CNTNAP2: variants seen among roughly 807,000 people sequenced by gnomAD.
CNTNAP2 encodes the protein contactin associated protein 2.
Under a neutral mutation model 155.2 loss-of-function variants are expected in CNTNAP2, and 98 were observed. That is an observed-to-expected ratio of 0.63 (90% CI 0.54 to 0.75). CNTNAP2 has a LOEUF of 0.75. CNTNAP2 is among the 30% of genes least tolerant of loss of function. The pLI, the probability that CNTNAP2 is intolerant of heterozygous loss-of-function variation, is 0.00. For missense variants in CNTNAP2, 1,727 were observed against 1,688.1 expected (o/e 1.02, Z -0.40); for synonymous variants, 651 against 631.2 (o/e 1.03, Z -0.47).
intron 1 of CNTNAP2, among the ~76,000 whole-genome samples, chr7:146,657,232 T>C (rs1800010905): frequency 6.6e-6 from 1 of 152,204 alleles, no homozygotes; most frequent in African/African-American, 2.4e-5. Context: ...ATTCTTCTCC[T>C]GAGCTTTCAT....
chr7:146,885,041 C>T (rs980161960), intron 3 of CNTNAP2, among the ~76,000 whole-genome samples: 1 of 151,892 alleles, frequency 6.6e-6, no homozygotes, highest in Non-Finnish European at 1.5e-5. Flanking sequence ...TCTCCCAGAC[C>T]CCCAAACTAA....
chr7:148,258,991 C>A (rs553751291), intron 20 of CNTNAP2, among the ~76,000 whole-genome samples: 2 of 151,802 alleles, frequency 1.3e-5, no homozygotes, highest in South Asian at 4.2e-4. Flanking sequence ...GCCTGGCCAA[C>A]ATGGTGAAAC....
chr7:146,604,821 G>A (rs71530747), intron 1 of CNTNAP2, among the ~76,000 whole-genome samples: 48,012 of 141,682 alleles, frequency 0.34, 10,642 homozygotes, highest in South Asian at 0.5. Context: ...AACTATCGCA[G>A]GGACAAAAAA....
At chr7:147,212,451 C>G (rs1803170132) in intron 8 of CNTNAP2, among the ~76,000 whole-genome samples, 1 of 152,106 alleles carries the variant, frequency 6.6e-6, no homozygotes, top group African/African-American at 2.4e-5. Context: ...ATGGATGCAG[C>G]TGAAGGCCTC....
chr7:147,138,245 T>G (rs1362234685), intron 8 of CNTNAP2, among the ~76,000 whole-genome samples: 1 of 151,886 alleles, frequency 6.6e-6, no homozygotes, highest in Non-Finnish European at 1.5e-5. Flanking sequence ...CTGTACTCAC[T>G]TTAATTAGGA....
chr7:148,192,508 C>T (rs537264428), intron 18 of CNTNAP2, among the ~76,000 whole-genome samples: 37 of 149,732 alleles, frequency 2.5e-4, no homozygotes, highest in Non-Finnish European at 4.1e-4. Context: ...CAACTGATAA[C>T]GAAAAGAAAG....
rs190705647 is a variant in CNTNAP2 at position 148,096,336 on chromosome 7, A to G, written c.2384-21782A>G. On this transcript the variant is annotated intron_variant, in intron 15 of 23. Transcript: ENST00000361727. ...GTGTGGTCACAGTGAAACATAGATT[A>G]AGGCTGAGAAGTAACAACCAGCTAA... 7.3e-4 allele frequency among the ~76,000 whole-genome samples: 111 copies of G among 151,602 alleles called. 1 individual carries two copies. The highest frequency in any genetic ancestry group is 6.2e-3 in the Admixed American group (94 of 15,192).
intron 9 of CNTNAP2, among the ~76,000 whole-genome samples, chr7:147,305,335 G>C (rs1479509591): frequency 6.6e-6 from 1 of 152,102 alleles, no homozygotes; most frequent in African/African-American, 2.4e-5. Flanking sequence ...TGGTTATCAG[G>C]CTCCTTAGCT....
chr7:146,952,987 C>G (rs1438065260), intron 3 of CNTNAP2, among the ~76,000 whole-genome samples: 2 of 152,010 alleles, frequency 1.3e-5, no homozygotes, highest in African/African-American at 4.8e-5. Context: ...GATAGTTGAT[C>G]TGTGTTCATG....
chr7:147,238,653 G>A (rs571273168), intron 8 of CNTNAP2, among the ~76,000 whole-genome samples: 75 of 151,962 alleles, frequency 4.9e-4, no homozygotes, highest in Non-Finnish European at 9.0e-4. Flanking sequence ...AATATAGCCT[G>A]TTTATATGAC....
intron 15 of CNTNAP2, among the ~76,000 whole-genome samples, chr7:148,088,092 G>A (rs539812323): frequency 6.6e-6 from 1 of 152,152 alleles, no homozygotes; most frequent in Admixed American, 6.5e-5. Flanking sequence ...ATGCATGTGT[G>A]CAATAGCACA....
At chr7:146,128,520 GA>G (rs1392942702) in intron 1 of CNTNAP2, among the ~76,000 whole-genome samples, 1 of 152,068 alleles carries the variant, frequency 6.6e-6, no homozygotes, top group African/African-American at 2.4e-5. Flanking sequence ...GACAAATATA[GA>G]ATCTAATTAA....
At chr7:147,737,086 T>A (rs12530873) in intron 13 of CNTNAP2, among the ~76,000 whole-genome samples, 55 of 152,112 alleles carry the variant, frequency 3.6e-4, no homozygotes, top group African/African-American at 1.3e-3. Context: ...CCTTTGGAGG[T>A]GGAGAGGCGC....
intron 3 of CNTNAP2, among the ~76,000 whole-genome samples, chr7:146,917,964 C>G (rs1796427993): frequency 6.6e-6 from 1 of 152,100 alleles, no homozygotes; most frequent in African/African-American, 2.4e-5. Context: ...ACTGCTGTTG[C>G]TTTAAAGTTT....
chr7:147,283,163 A>G (rs1350124684), intron 8 of CNTNAP2, among the ~76,000 whole-genome samples: 1 of 151,824 alleles, frequency 6.6e-6, no homozygotes, highest in Non-Finnish European at 1.5e-5. Flanking sequence ...ACCCCCATCT[A>G]ATGAGTTTTA....
At position 147,740,139 on chromosome 7, in the gene CNTNAP2, T is replaced by G. The variant is rs201949022; in HGVS notation, c.2098+100833T>G. Reference sequence around the variant, plus strand: ...ATAGTCCACTTGTGGGTCAGAGAAATACATTAATTAGGTTAGCTCCTATGT... The same window carrying G: ...ATAGTCCACTTGTGGGTCAGAGAAAGACATTAATTAGGTTAGCTCCTATGT... On this transcript the variant is annotated intron_variant, in intron 13 of 23. Coordinates refer to ENST00000361727, the MANE Select transcript of CNTNAP2 (RefSeq NM_014141.6). Among the ~76,000 whole-genome samples, 7 of 152,324 alleles carry G rather than the reference T, an allele frequency of 4.6e-5. No individual in the cohort carries two copies. The East Asian group carries it at 1.4e-3, about 29-fold the overall frequency.
chr7:147,927,232 T>C (rs978298581), intron 14 of CNTNAP2, among the ~76,000 whole-genome samples: 90 of 152,330 alleles, frequency 5.9e-4, no homozygotes, highest in African/African-American at 1.9e-3. Flanking sequence ...TCCCCCAAAC[T>C]ATCATAAGCC....
chr7:147,116,337 T>C (rs960085142), intron 5 of CNTNAP2, among the ~76,000 whole-genome samples: 6 of 152,138 alleles, frequency 3.9e-5, no homozygotes, highest in African/African-American at 9.7e-5. Context: ...GTCTGGCTGC[T>C]TTTTGATAGA....
chr7:148,055,177 C>G (rs1166259775), intron 15 of CNTNAP2, among the ~76,000 whole-genome samples: 1 of 152,164 alleles, frequency 6.6e-6, no homozygotes, highest in Non-Finnish European at 1.5e-5. Context: ...AGCCACCATG[C>G]CCAGCCTATA....
Sources: gnomAD v4.1 joint callset for allele counts (sites outside exome capture counted in the v4.1 genomes callset) on GRCh38, gnomAD v4.1.1 for gene constraint, MANE v1.5 for transcripts, NCBI Gene and HGNC (gene_info 2026-07-23, HGNC 2026-07-21) for gene names.